MAP3K5: variants seen among roughly 807,000 people sequenced by gnomAD.
MAP3K5 encodes ASK-1.
MAP3K5 carries 56 observed loss-of-function variants against 158.7 expected under a neutral mutation model. That is an observed-to-expected ratio of 0.35 (90% confidence interval 0.28 to 0.44). The LOEUF is 0.44. Ranked by LOEUF, MAP3K5 falls within the 20% of genes least tolerant of loss-of-function variation. The pLI, the probability that MAP3K5 is intolerant of heterozygous loss-of-function variation, is 1.00. For missense variants in MAP3K5, 1,294 were observed against 1,674.8 expected (o/e 0.77, Z 3.97); for synonymous variants, 579 against 601.7 (o/e 0.96, Z 0.55).
chr6:136,643,002 G>A (rs924993440), intron 11 of MAP3K5, among the ~76,000 whole-genome samples: 3 of 152,124 alleles, frequency 2.0e-5, no homozygotes, highest in Non-Finnish European at 2.9e-5. Flanking sequence ...ATTATCTTTA[G>A]TTAAGATTTC....
chr6:136,672,597 G>T (rs968716541), intron 7 of MAP3K5, among the ~76,000 whole-genome samples: 2 of 152,188 alleles, frequency 1.3e-5, no homozygotes, highest in African/African-American at 4.8e-5. Flanking sequence ...CTAGGGTGTG[G>T]AGTAGAGCTG....
intron 7 of MAP3K5, among the ~76,000 whole-genome samples, chr6:136,684,573 C>T (rs180921121): frequency 6.6e-6 from 1 of 152,172 alleles, no homozygotes; most frequent in East Asian, 1.9e-4. Flanking sequence ...GTTAAGTTTG[C>T]CACTTCAGAA....
intron 1 of MAP3K5, among the ~76,000 whole-genome samples, chr6:136,723,701 A>G (rs1264238654): frequency 1.3e-5 from 2 of 152,234 alleles, no homozygotes; most frequent in Non-Finnish European, 2.9e-5. Context: ...TGCAAAGTCC[A>G]CCTTGTCTAA....
At position 136,697,230 on chromosome 6, in the gene MAP3K5, T is replaced by C. The variant is rs2114670117; in HGVS notation, c.964A>G (p.Arg322Gly). ...AAACATCTTCTCACCTGGATATCTCTGTAGGAAAGTAACAGATTTATGACA... is the reference window on the plus strand; with the variant it reads ...AAACATCTTCTCACCTGGATATCTCCGTAGGAAAGTAACAGATTTATGACA... ...DIVINLLLSYRDIQDYDSIVK... is the reference protein window; with the variant it reads ...DIVINLLLSYGDIQDYDSIVK... The change falls in exon 5 of 30, where the codon AGA becomes GGA. Residue 322 changes from arginine (R) to glycine (G), a missense_variant. This residue lies in a region of MAP3K5 where 690 missense variants were observed against 870.5 expected (regional missense o/e 0.79). Coordinates refer to ENST00000359015, the MANE Select transcript of MAP3K5 (RefSeq NM_005923.4). The C allele has an allele frequency of 6.2e-7, 1 of 1,612,792 alleles. No homozygotes were observed. Among genetic ancestry groups the C allele is most frequent in the East Asian group, 2.2e-5 (1 of 44,810 alleles).
At chr6:136,566,077 GAAGA>G (rs1774094184) in intron 26 of MAP3K5, among the ~76,000 whole-genome samples, 1 of 152,188 alleles carries the variant, frequency 6.6e-6, no homozygotes, top group Non-Finnish European at 1.5e-5. Context: ...GGGAAGCTGT[GAAGA>G]AAGCGGCCGG....
At chr6:136,727,839 G>A (rs1782035747) in intron 1 of MAP3K5, among the ~76,000 whole-genome samples, 1 of 152,044 alleles carries the variant, frequency 6.6e-6, no homozygotes, top group East Asian at 1.9e-4. Context: ...GCAGGTGCCT[G>A]TAGTCCCAGC....
rs370889176 is a variant in MAP3K5, at chr6:136,694,126, T to C, written c.1253+14A>G. 7 of 1,596,626 alleles carry C rather than the reference T, an allele frequency of 4.4e-6. No individual in the cohort carries two copies. The highest frequency in any genetic ancestry group is 4.1e-5 in the African/African-American group (3 of 73,994). Reference sequence around the variant, plus strand: ...TTACTAAGTAAGTAGCTCATTTATATACTATTTACTTACCAAGAAGCTCCA... The same window carrying C: ...TTACTAAGTAAGTAGCTCATTTATACACTATTTACTTACCAAGAAGCTCCA... On this transcript the variant is annotated intron_variant, in intron 7 of 29. Coordinates refer to ENST00000359015, the MANE Select transcript of MAP3K5 (RefSeq NM_005923.4).
intron 10 of MAP3K5, among the ~76,000 whole-genome samples, chr6:136,652,836 C>T (rs761264801): frequency 1.3e-5 from 2 of 152,202 alleles, no homozygotes; most frequent in Non-Finnish European, 2.9e-5. Context: ...GAGCTCTTTG[C>T]TCTATCCTTG....
chr6:136,663,785 T>A (rs1583373678), intron 8 of MAP3K5, among the ~76,000 whole-genome samples: 1 of 151,524 alleles, frequency 6.6e-6, no homozygotes, highest in South Asian at 2.1e-4. Context: ...AATTTTTGTA[T>A]TTTTTTTAGT....
chr6:136,650,964 T>C lies in MAP3K5; in HGVS notation c.1788+20A>G. ...GTCCCTTGTTACTAATGCTCTTGTG[T>C]TAATAACTGCACAATTTACCTTGTC... On this transcript the variant is annotated intron_variant, in intron 11 of 29. Transcript: ENST00000359015. The C allele has an allele frequency of 6.6e-7, 1 of 1,505,840 alleles. No homozygotes were observed. The highest frequency in any genetic ancestry group is 9.2e-7 in the Non-Finnish European group (1 of 1,084,488). The allele number at this position is 1,505,840 out of a possible 1,614,324, so 93.3% of individuals were successfully genotyped here. A position where few individuals can be genotyped will look rare whatever the true frequency, so the allele number is the denominator to read the frequency against.
chr6:136,562,736 T>C (rs1830571131), intron 26 of MAP3K5, 121 bp from the exon 27 acceptor site: 1 of 517,258 alleles, frequency 1.9e-6, no homozygotes, highest in Non-Finnish European at 3.4e-6. Flanking sequence ...AGTGGCCCAA[T>C]TATAGCTCAC....
At position 136,601,834 on chromosome 6, in the gene MAP3K5, C is replaced by G; in HGVS notation, c.2825G>C (p.Ser942Thr). 2 of 1,613,966 alleles carry G rather than the reference C, an allele frequency of 1.2e-6. No homozygotes were observed. Among genetic ancestry groups the G allele is most frequent in the Non-Finnish European group, 1.7e-6 (2 of 1,179,958 alleles). ...LLVDEFLKVSSKKKKTQPKLS... is the reference protein window; with the variant it reads ...LLVDEFLKVSTKKKKTQPKLS... ...CTTAGGTTGTGTCTTTTTCTTTTTG[C>G]TTGAAACTTTTAAAAACTCATCAAC... The change falls in exon 20 of 30, where the codon AGC (serine) becomes ACC (threonine). Residue 942 changes from serine to threonine, a missense_variant. Transcript: ENST00000359015.
chr6:136,785,367 A>C (rs1008945631), intron 1 of MAP3K5, among the ~76,000 whole-genome samples: 1 of 152,202 alleles, frequency 6.6e-6, no homozygotes, highest in African/African-American at 2.4e-5. Context: ...AAGTTCTTAC[A>C]ATTTTAACTA....
chr6:136,666,114 T>C (rs866572126), intron 8 of MAP3K5, among the ~76,000 whole-genome samples: 1 of 152,294 alleles, frequency 6.6e-6, no homozygotes, highest in African/African-American at 2.4e-5. Context: ...AGGAAGAAGA[T>C]GTAGGATATG....
intron 2 of MAP3K5, among the ~76,000 whole-genome samples, chr6:136,709,155 C>T (rs1212179011): frequency 6.6e-6 from 1 of 152,168 alleles, no homozygotes; most frequent in African/African-American, 2.4e-5. Flanking sequence ...ATGACTTCCT[C>T]GCGTGCAAAG....
intron 25 of MAP3K5, among the ~76,000 whole-genome samples, chr6:136,575,560 T>C (rs1774579025): frequency 6.6e-6 from 1 of 152,256 alleles, no homozygotes; most frequent in Non-Finnish European, 1.5e-5. Context: ...CTCATTATAA[T>C]TAGTTGTCAT....
At chr6:136,592,717 T>A in intron 21 of MAP3K5, 103 bp from the exon 22 acceptor site, 1 of 982,850 alleles carries the variant, frequency 1.0e-6, no homozygotes, top group Non-Finnish European at 1.6e-6. Flanking sequence ...AAATATCTTG[T>A]TGCAATGAGC....
chr6:136,622,203 G>A (rs1380821438), intron 15 of MAP3K5, among the ~76,000 whole-genome samples: 1 of 152,092 alleles, frequency 6.6e-6, no homozygotes, highest in African/African-American at 2.4e-5. Flanking sequence ...TCATGAAAGT[G>A]TGACCCTCAT....
intron 7 of MAP3K5, among the ~76,000 whole-genome samples, chr6:136,690,311 T>G (rs1281621120): frequency 1.3e-5 from 2 of 152,198 alleles, no homozygotes; most frequent in Non-Finnish European, 2.9e-5. Flanking sequence ...CTCAACTTTT[T>G]TAAAGTTTTT....
Sources: allele counts gnomAD v4.1 joint callset (sites outside exome capture counted in the v4.1 genomes callset), GRCh38; gene constraint gnomAD v4.1.1; regional missense constraint gnomAD v4.1.1; transcripts MANE v1.5; gene names NCBI Gene and HGNC (gene_info 2026-07-23, HGNC 2026-07-21).